Variants in LUZP2 observed in about 807,000 individuals in gnomAD.
LUZP2 encodes the protein leucine zipper protein 2.
Under a neutral mutation model 51.6 loss-of-function variants are expected in LUZP2, and 52 were observed. The observed-to-expected ratio is 1.01, with a 90% confidence interval of 0.81 to 1.27. LUZP2 has a LOEUF of 1.27. LUZP2 is among the 50% of genes most tolerant of loss of function. LUZP2 has a pLI of 0.00. For synonymous variants in LUZP2, 154 were observed against 137.3 expected (o/e 1.12, Z -0.85); for missense variants, 436 against 395.4 (o/e 1.10, Z -0.87).
At chr11:24,892,000 G>A in intron 5 of LUZP2, 1 of 985,580 alleles carries the variant, frequency 1.0e-6, no homozygotes, top group African/African-American at 1.7e-5. Flanking sequence ...GCATGGGACT[G>A]GTAGTGCAGG....
chr11:24,928,295 G>A (rs1854339592), intron 7 of LUZP2, among the ~76,000 whole-genome samples: 1 of 152,050 alleles, frequency 6.6e-6, no homozygotes, highest in African/African-American at 2.4e-5. Context: ...GGGGAAAGTA[G>A]ACACCCTCGT....
At chr11:24,737,010 G>T (rs956430487) in intron 3 of LUZP2, among the ~76,000 whole-genome samples, 14 of 152,062 alleles carry the variant, frequency 9.2e-5, no homozygotes, top group Admixed American at 2.0e-4. Context: ...TTGGACATCA[G>T]TCTCAAGGCT....
chr11:24,700,822 A>G (rs1237550182), intron 1 of LUZP2, among the ~76,000 whole-genome samples: 2 of 152,152 alleles, frequency 1.3e-5, no homozygotes, highest in Non-Finnish European at 2.9e-5. Context: ...CAGGAGTAAG[A>G]AAATATGTTT....
chr11:24,530,088 C>T (rs1850946347), intron 1 of LUZP2, among the ~76,000 whole-genome samples: 1 of 150,732 alleles, frequency 6.6e-6, no homozygotes, highest in Non-Finnish European at 1.5e-5. Context: ...TTGTGTTTTT[C>T]CTTTCCATTT....
chr11:24,912,837 A>G (rs1311867619), intron 6 of LUZP2, among the ~76,000 whole-genome samples: 1 of 152,160 alleles, frequency 6.6e-6, no homozygotes, highest in Non-Finnish European at 1.5e-5. Context: ...AATATTATAG[A>G]AAACTGAATC....
intron 1 of LUZP2, among the ~76,000 whole-genome samples, chr11:24,637,150 G>T (rs1855133147): frequency 6.6e-6 from 1 of 151,724 alleles, no homozygotes. Flanking sequence ...AAATATAAAA[G>T]CATTATAAAA....
intron 7 of LUZP2, among the ~76,000 whole-genome samples, chr11:24,942,394 C>T (rs896491492): frequency 2.0e-5 from 3 of 152,142 alleles, no homozygotes; most frequent in Non-Finnish European, 4.4e-5. Context: ...GAGTTTCAGT[C>T]TTTCTAGTGC....
At chr11:24,733,224 T>C (rs968546865) in intron 3 of LUZP2, among the ~76,000 whole-genome samples, 8 of 151,822 alleles carry the variant, frequency 5.3e-5, no homozygotes, top group African/African-American at 9.7e-5. Context: ...AGTGACATGT[T>C]TATTATTTAT....
At chr11:24,750,004 T>C (rs1859521194) in intron 4 of LUZP2, among the ~76,000 whole-genome samples, 1 of 152,228 alleles carries the variant, frequency 6.6e-6, no homozygotes, top group Non-Finnish European at 1.5e-5. Flanking sequence ...ATGTATCCTG[T>C]TAGTTCTGTC....
intron 7 of LUZP2, among the ~76,000 whole-genome samples, chr11:24,958,919 T>C (rs1172293461): frequency 6.6e-6 from 1 of 152,204 alleles, no homozygotes; most frequent in African/African-American, 2.4e-5. Flanking sequence ...CCATCTTGAA[T>C]TGATTTTTAT....
intron 1 of LUZP2, among the ~76,000 whole-genome samples, chr11:24,662,979 A>G (rs146907486): frequency 6.6e-6 from 1 of 152,202 alleles, no homozygotes; most frequent in East Asian, 1.9e-4. Flanking sequence ...AAAAATAGGA[A>G]AGGGAAAAAT....
At chr11:24,876,732 C>G (rs1018090789) in intron 5 of LUZP2, among the ~76,000 whole-genome samples, 1 of 151,172 alleles carries the variant, frequency 6.6e-6, no homozygotes, top group Non-Finnish European at 1.5e-5. Flanking sequence ...ACCCATGAGC[C>G]TGGAATGTTC....
At chr11:24,722,995 G>A (rs1459371305) in intron 1 of LUZP2, among the ~76,000 whole-genome samples, 1 of 151,832 alleles carries the variant, frequency 6.6e-6, no homozygotes, top group African/African-American at 2.4e-5. Flanking sequence ...AATCATAAAA[G>A]GGCTCATGTG....
At chr11:24,802,681 A>G (rs1300306013) in intron 5 of LUZP2, among the ~76,000 whole-genome samples, 1 of 151,866 alleles carries the variant, frequency 6.6e-6, no homozygotes, top group Non-Finnish European at 1.5e-5. Flanking sequence ...GGCCCTGGCA[A>G]CAACCACTCT....
In LUZP2 at chr11:24,595,197, T is replaced by G. The variant is rs1912136; in HGVS notation, c.62+97892T>G. On this transcript the variant is annotated intron_variant, in intron 1 of 11. Transcript: ENST00000336930. ...TTAGATTCTGAAAAAAAAAAAAAAG[T>G]GTAGGTCACAGTTTGCAAGCATCTC... is the stretch of plus-strand genomic sequence containing the variant. 4.3e-5 allele frequency among the ~76,000 whole-genome samples: 6 copies of G among 139,334 alleles called. No individual in the cohort carries two copies. In the South Asian group the frequency reaches 9.1e-4, roughly 21 times the overall value. 91.4% of individuals were successfully genotyped at this position (139,334 alleles called of 152,430 possible).
intron 5 of LUZP2, among the ~76,000 whole-genome samples, chr11:24,854,206 GA>G (rs1272833897): frequency 6.6e-6 from 1 of 152,228 alleles, no homozygotes; most frequent in Non-Finnish European, 1.5e-5. Flanking sequence ...TAAGTCTGTT[GA>G]AGCTGCGCCC....
chr11:25,070,771 G>GT (rs1859133345), intron 10 of LUZP2, among the ~76,000 whole-genome samples: 1 of 1,374 alleles, frequency 7.3e-4, no homozygotes, highest in Non-Finnish European at 1.9e-3. Context: ...ACTGTGTATG[G>GT]TGTGTGTGTG....
intron 8 of LUZP2, among the ~76,000 whole-genome samples, chr11:24,979,708 A>G (rs1317201939): frequency 2.0e-5 from 3 of 151,802 alleles, no homozygotes; most frequent in African/African-American, 7.3e-5. Flanking sequence ...GGCCTCAGCT[A>G]CTGGAATATA....
intron 5 of LUZP2, among the ~76,000 whole-genome samples, chr11:24,772,133 G>A (rs1051954340): frequency 6.6e-6 from 1 of 152,066 alleles, no homozygotes; most frequent in Non-Finnish European, 1.5e-5. Flanking sequence ...TATATGTGTT[G>A]TGTTTTTCAA....
Sources: gnomAD v4.1 joint callset for allele counts (sites outside exome capture counted in the v4.1 genomes callset) on GRCh38, gnomAD v4.1.1 for gene constraint, MANE v1.5 for transcripts, NCBI Gene and HGNC (gene_info 2026-07-23, HGNC 2026-07-21) for gene names.